The following TEPSIN variants were observed in gnomAD, a reference collection of about 807,000 sequenced individuals.
The protein encoded by TEPSIN is TEPSIN adaptor related protein complex 4 accessory protein.
A neutral mutation model predicts 48.5 loss-of-function variants in TEPSIN; 50 were observed. The observed-to-expected ratio is 1.03, with a 90% CI of 0.82 to 1.31. The LOEUF (loss-of-function observed/expected upper bound fraction) is 1.31. Among genes scored for constraint, TEPSIN ranks in the 50% most tolerant of loss-of-function variants. The probability of loss-of-function intolerance (pLI) is 0.00; values close to 1 mark genes in which losing one functional copy is unlikely to be tolerated. For missense variants in TEPSIN, 838 were observed against 815.9 expected (o/e 1.03, Z -0.33); for synonymous variants, 392 against 358.8 (o/e 1.09, Z -1.05).
chr17:81,231,407 G>C lies in TEPSIN; in HGVS notation c.1089C>G (p.Cys363Trp). Residue 363 changes from cysteine to tryptophan, a missense_variant, in exon 11 of 13, where the codon TGC (cysteine) becomes TGG (tryptophan). Physicochemically the swap from Cys to Trp is radical, Grantham distance 215 (BLOSUM62 -2). Coordinates refer to ENST00000637944, the MANE Select transcript of TEPSIN (RefSeq NM_001363764.2). The part of the protein sequence containing the change: ...LTCHLRGTSE[C>W]TQLRALCAIA... ...CGCGTGTGCAGCTCACCAGCTGCGT[G>C]CATTCACTGGTCCCACGCAGGTGGC... 2 of 1,552,834 alleles carry C rather than the reference G, an allele frequency of 1.3e-6. No individual in the cohort carries two copies. The highest frequency in any genetic ancestry group is 1.7e-6 in the Non-Finnish European group (2 of 1,148,520).
chr17:81,235,623 C>T (rs546058818), intron 4 of TEPSIN, among the ~76,000 whole-genome samples: 3 of 152,294 alleles, frequency 2.0e-5, no homozygotes, highest in South Asian at 4.2e-4. Context: ...GGCGTGTCCC[C>T]GAGACCACTG....
At position 81,233,936 on chromosome 17, in the gene TEPSIN, C is replaced by G; in HGVS notation, c.375+45G>C. The G allele has an allele frequency of 1.9e-6, 3 of 1,570,974 alleles. No individual in the cohort carries two copies. The highest frequency in any genetic ancestry group is 1.7e-6 in the Non-Finnish European group (2 of 1,164,252). ...TCCTGGCCCCAATCCCACCCCTCTA[C>G]AGGAGGAGGGGCACCCCGCAGAGCG... On this transcript the variant is annotated intron_variant, in intron 5 of 12. Coordinates refer to ENST00000637944, the MANE Select transcript of TEPSIN (RefSeq NM_001363764.2). The surrounding 1 kb of genome is among the most constrained non-coding windows in gnomAD (Gnocchi z 5.8).
At chr17:81,231,254 G>A in intron 11 of TEPSIN, 144 bp downstream of exon 11, 1 of 815,164 alleles carries the variant, frequency 1.2e-6, no homozygotes, top group Non-Finnish European at 1.9e-6. Context: ...CACACACACA[G>A]GCATGTGCGC....
chr17:81,235,005 A>G (rs1301567629), intron 4 of TEPSIN, among the ~76,000 whole-genome samples: 1 of 151,932 alleles, frequency 6.6e-6, no homozygotes, highest in African/African-American at 2.4e-5. Context: ...CTCCTCCCCA[A>G]CCAGAGACAT....
intron 1 of TEPSIN, chr17:81,238,663 G>T (rs1353900826): frequency 8.5e-7 from 1 of 1,179,082 alleles, no homozygotes; most frequent in Non-Finnish European, 1.0e-6. Flanking sequence ...GGACACAGCG[G>T]CTCCACGTCC....
At chr17:81,237,509 G>A (rs762316182) in intron 1 of TEPSIN, 50 bp from the exon 2 acceptor site, 9 of 1,551,008 alleles carry the variant, frequency 5.8e-6, no homozygotes, top group Non-Finnish European at 1.7e-6. Context: ...TTTCCCACAG[G>A]GGTGAATCCG....
Position 81,233,771 on chromosome 17 carries a change from A to G in TEPSIN, c.376-55T>C. On this transcript the variant is annotated intron_variant, in intron 5 of 12. Coordinates refer to ENST00000637944, the MANE Select transcript of TEPSIN (RefSeq NM_001363764.2). This position sits in a 1 kb window ranked among gnomAD's most constrained non-coding sequence, Gnocchi z 5.8. ...CCTCACACCAGGGCCTGCTGTACTC[A>G]CCCTGCCACCCATATCAGCTCCGTT... 5 of 1,505,266 alleles carry G rather than the reference A, an allele frequency of 3.3e-6. No individual in the cohort carries two copies. Among genetic ancestry groups the G allele is most frequent in the Non-Finnish European group, 3.6e-6 (4 of 1,116,642 alleles). 93.2% of individuals were successfully genotyped at this position (1,505,266 alleles called of 1,614,324 possible). A position where few individuals can be genotyped will look rare whatever the true frequency, so the allele number is the denominator to read the frequency against.
rs11651925 is a variant in TEPSIN at position 81,234,635 on chromosome 17, C to T, written c.308-587G>A. On this transcript the variant is annotated intron_variant, in intron 4 of 12. Coordinates refer to ENST00000637944, the MANE Select transcript of TEPSIN (RefSeq NM_001363764.2). This position sits in a 1 kb window ranked among gnomAD's most constrained non-coding sequence, Gnocchi z 5.4. ...ACCCCTCGAGAGCCTCTGTCACAGG[C>T]GAATCCACTCACGCCCCTCGGCCGT... Among the ~76,000 whole-genome samples, 1 of 152,068 alleles carries T rather than the reference C, an allele frequency of 6.6e-6. No homozygotes were observed. Among genetic ancestry groups the T allele is most frequent in the Admixed American group, 6.5e-5 (1 of 15,272 alleles).
In TEPSIN at chr17:81,231,359, GCA is replaced by G. The variant is rs751107162; in HGVS notation, c.1098+37_1098+38del. 16 of 1,503,726 alleles carry G rather than the reference GCA, an allele frequency of 1.1e-5. 1 individual carries two copies. The highest frequency in any genetic ancestry group is 2.3e-4 in the Middle Eastern group (1 of 4,300). 93.1% of individuals were successfully genotyped at this position (1,503,726 alleles called of 1,614,324 possible). On this transcript the variant is annotated intron_variant, in intron 11 of 12. Coordinates refer to ENST00000637944, the MANE Select transcript of TEPSIN (RefSeq NM_001363764.2). ...CGCACACACACGCACACAGGCACAT[GCA>G]CACAGTCACGCCCTCCCGCCCGCGT... is the stretch of plus-strand genomic sequence containing the variant.
chr17:81,237,486 T>A (rs1388648529), intron 1 of TEPSIN, 27 bp from the exon 2 acceptor site: 1 of 1,590,716 alleles, frequency 6.3e-7, no homozygotes, highest in East Asian at 2.2e-5. Flanking sequence ...GCCCCTACCA[T>A]GATGAGGTGC....
At position 81,237,432 on chromosome 17, in the gene TEPSIN, C is replaced by T. The variant is rs1387230220; in HGVS notation, c.76G>A (p.Asp26Asn). Residue 26 changes from aspartate (D) to asparagine (N), a missense_variant, in exon 2 of 13, where the codon GAT (aspartate) becomes AAT (asparagine). Asp to Asn is a conservative substitution (Grantham distance 23). Transcript: ENST00000637944. ...RLPILLKGTS[D>N]DDVPCPGYLF... Reference sequence around the variant, plus strand: ...TAGCCCGGACACGGGACATCATCATCGGACGTCCCCTTCAGGAGAATCGGG... The same window carrying T: ...TAGCCCGGACACGGGACATCATCATTGGACGTCCCCTTCAGGAGAATCGGG... 8 of 1,611,184 alleles carry T rather than the reference C, an allele frequency of 5.0e-6. No homozygotes were observed. Among genetic ancestry groups the T allele is most frequent in the East Asian group, 2.2e-5 (1 of 44,866 alleles).
intron 1 of TEPSIN, chr17:81,238,003 G>C: frequency 1.0e-6 from 1 of 996,626 alleles, no homozygotes; most frequent in Non-Finnish European, 1.2e-6. Flanking sequence ...CTTACTTACT[G>C]GCACAAAGAT....
chr17:81,237,108 G>A, intron 2 of TEPSIN, 37 bp from the exon 3 acceptor site: 1 of 1,548,346 alleles, frequency 6.5e-7, no homozygotes, highest in Non-Finnish European at 8.7e-7. Flanking sequence ...GCGAGATGAT[G>A]AGGGCTGCGC....
At chr17:81,238,369 G>A (rs1567912197) in intron 1 of TEPSIN, 6 of 285,066 alleles carry the variant, frequency 2.1e-5, no homozygotes, top group Non-Finnish European at 2.6e-5. Context: ...GGCAGCCCAA[G>A]GTCGCGCCCT....
At position 81,231,707 on chromosome 17, in the gene TEPSIN, G is replaced by T; in HGVS notation, c.906-16C>A. 4.3e-6 allele frequency: 7 copies of T among 1,610,504 alleles called. No individual in the cohort carries two copies. Among genetic ancestry groups the T allele is most frequent in the Non-Finnish European group, 5.1e-6 (6 of 1,178,614 alleles). The stretch of plus-strand genomic sequence containing the variant: ...CACCTCGACCCTGCCAGGGGGAATG[G>T]CCGGGTCAAGGGTGAGTGGAGGCCA... On this transcript the variant is annotated splice_polypyrimidine_tract_variant and intron_variant, in intron 9 of 12. Coordinates refer to ENST00000637944, the MANE Select transcript of TEPSIN (RefSeq NM_001363764.2).
intron 4 of TEPSIN, among the ~76,000 whole-genome samples, chr17:81,236,038 G>A (rs2062714308): frequency 6.6e-6 from 1 of 152,174 alleles, no homozygotes; most frequent in Admixed American, 6.5e-5. Flanking sequence ...CTGGGGTGGG[G>A]TCCAGACATG....
intron 1 of TEPSIN, 47 bp downstream of exon 1, chr17:81,238,939 C>G (rs936652733): frequency 7.1e-7 from 1 of 1,409,454 alleles, no homozygotes; most frequent in Non-Finnish European, 9.2e-7. Context: ...ATGCGGCGCT[C>G]GAGAGGAGCC....
intron 3 of TEPSIN, 33 bp from the exon 4 acceptor site, chr17:81,236,834 G>A: frequency 6.4e-7 from 1 of 1,550,522 alleles, no homozygotes; most frequent in Non-Finnish European, 8.7e-7. Flanking sequence ...GTGCTGGGCA[G>A]GCCGGACACG....
At chr17:81,238,844 C>T (rs980704492) in intron 1 of TEPSIN, 142 bp downstream of exon 1, 32 of 1,350,356 alleles carry the variant, frequency 2.4e-5, no homozygotes, top group East Asian at 9.4e-5. Flanking sequence ...AGCTCAGGGG[C>T]GTCGGCGCGG....
Sources: gnomAD v4.1 joint callset for allele counts (sites outside exome capture counted in the v4.1 genomes callset) on GRCh38, gnomAD v4.1.1 for gene constraint, Gnocchi (gnomAD v3.1) non-coding constraint, MANE v1.5 for transcripts, NCBI Gene and HGNC (gene_info 2026-07-23, HGNC 2026-07-21) for gene names.